The following NREP variants were observed in gnomAD, a reference collection of about 807,000 sequenced individuals.
NREP encodes the protein neuronal regeneration related protein.
Under a neutral mutation model 8.6 loss-of-function variants are expected in NREP, and 5 were observed. That is an observed-to-expected ratio of 0.58 (90% CI 0.30 to 1.22). The LOEUF is 1.22. NREP is among the 50% of genes most tolerant of loss of function. NREP has a pLI of 0.07. For missense variants in NREP, 86 were observed against 82.5 expected (o/e 1.04, Z -0.17); for synonymous variants, 27 against 28.0 (o/e 0.96, Z 0.11).
chr5:111,776,990 T>TGAGGAG (rs58158043), intron 2 of NREP, among the ~76,000 whole-genome samples: 10 of 132,628 alleles, frequency 7.5e-5, no homozygotes, highest in East Asian at 2.3e-4. Flanking sequence ...AGAAAAAGGA[T>TGAGGAG]GAGGAGGAGG....
chr5:111,790,347 CTTTTTTTTTTTTTTTTTTT>C (rs57775701), intron 2 of NREP, among the ~76,000 whole-genome samples: 76 of 59,650 alleles, frequency 1.3e-3, no homozygotes, highest in African/African-American at 4.0e-3. Context: ...AAAACCTTAA[CTTTTTTTTTTTTTTTTTTT>C]TTTTTTTTTT....
intron 2 of NREP, among the ~76,000 whole-genome samples, chr5:111,822,430 C>G (rs1315952147): frequency 3.3e-5 from 5 of 152,158 alleles, no homozygotes; most frequent in African/African-American, 7.2e-5. Flanking sequence ...TTAGAGCTTT[C>G]AAAAGAGGAG....
At chr5:111,753,131 T>C (rs985259844) in intron 2 of NREP, among the ~76,000 whole-genome samples, 3 of 151,678 alleles carry the variant, frequency 2.0e-5, no homozygotes, top group Non-Finnish European at 4.4e-5. Context: ...GAATGACTTA[T>C]TGAAAAAAAT....
intron 2 of NREP, among the ~76,000 whole-genome samples, chr5:111,970,377 C>T (rs1037485752): frequency 6.6e-6 from 1 of 152,132 alleles, no homozygotes; most frequent in Non-Finnish European, 1.5e-5. Context: ...ATTTGGTCAA[C>T]GTTCCTACAG....
chr5:111,872,584 T>C (rs890794784), intron 2 of NREP, among the ~76,000 whole-genome samples: 1 of 152,128 alleles, frequency 6.6e-6, no homozygotes, highest in African/African-American at 2.4e-5. Flanking sequence ...GTGCCAGCTG[T>C]AAGGCTAGGA....
intron 2 of NREP, among the ~76,000 whole-genome samples, chr5:111,926,463 T>C (rs1386429761): frequency 1.3e-5 from 2 of 152,150 alleles, no homozygotes; most frequent in Non-Finnish European, 2.9e-5. Context: ...AGAAAGCCTG[T>C]ACATAGGGAC....
At chr5:111,772,569 G>C (rs1011293603) in intron 2 of NREP, among the ~76,000 whole-genome samples, 1 of 151,992 alleles carries the variant, frequency 6.6e-6, no homozygotes, top group Non-Finnish European at 1.5e-5. Context: ...AGCATCATCA[G>C]CCTGGCTCTA....
At chr5:111,738,459 C>T (rs749072188) in intron 2 of NREP, 4 of 152,166 alleles carry the variant, frequency 2.6e-5, no homozygotes, top group Non-Finnish European at 5.9e-5. Context: ...TTCTTCTCAT[C>T]GGAACATGTT....
chr5:111,785,776 GA>G (rs1751595143), intron 2 of NREP, among the ~76,000 whole-genome samples: 2 of 152,118 alleles, frequency 1.3e-5, no homozygotes, highest in Admixed American at 1.3e-4. Context: ...CCATAGCAGT[GA>G]ATAAAAATGG....
At chr5:111,950,291 T>C (rs911260016) in intron 2 of NREP, among the ~76,000 whole-genome samples, 1 of 152,200 alleles carries the variant, frequency 6.6e-6, no homozygotes, top group African/African-American at 2.4e-5. Context: ...AAACAAGCAA[T>C]GGGGAAAGGA....
chr5:111,963,030 C>G (rs777787763), intron 2 of NREP, among the ~76,000 whole-genome samples: 5 of 152,286 alleles, frequency 3.3e-5, no homozygotes, highest in Non-Finnish European at 7.3e-5. Context: ...GGCTGTCACA[C>G]TGGCCATTTG....
chr5:111,757,791 C>T, upstream of NREP: 1 of 974,178 alleles, frequency 1.0e-6, no homozygotes, highest in Non-Finnish European at 1.2e-6. Flanking sequence ...CCAGCCTCTC[C>T]GCCTCGACGT....
At chr5:111,876,573 T>C (rs1235294264) in intron 2 of NREP, among the ~76,000 whole-genome samples, 2 of 152,170 alleles carry the variant, frequency 1.3e-5, no homozygotes, top group Non-Finnish European at 2.9e-5. Context: ...TGTACTGCAC[T>C]CTTCAACTTC....
intron 2 of NREP, among the ~76,000 whole-genome samples, chr5:111,913,050 T>A (rs963591729): frequency 1.3e-5 from 2 of 152,156 alleles, no homozygotes. Context: ...AGACACCTAC[T>A]GTACAGCAGC....
chr5:111,820,778 T>C (rs938563570), intron 2 of NREP, among the ~76,000 whole-genome samples: 1 of 152,154 alleles, frequency 6.6e-6, no homozygotes, highest in African/African-American at 2.4e-5. Context: ...AGATAAGATA[T>C]AAAGAATTTT....
intron 2 of NREP, among the ~76,000 whole-genome samples, chr5:111,767,302 A>T (rs1350776452): frequency 6.6e-6 from 1 of 152,172 alleles, no homozygotes; most frequent in Admixed American, 6.6e-5. Flanking sequence ...CCGCCAAAAA[A>T]AAAATCTTAT....
chr5:111,748,051 T>G (rs1187272790), intron 2 of NREP, among the ~76,000 whole-genome samples: 4 of 152,168 alleles, frequency 2.6e-5, no homozygotes, highest in Non-Finnish European at 4.4e-5. Context: ...CCCTCACGCA[T>G]AGTGGCGCCC....
chr5:111,872,878 A>G (rs578116089), intron 2 of NREP, among the ~76,000 whole-genome samples: 94 of 152,200 alleles, frequency 6.2e-4, no homozygotes, highest in Non-Finnish European at 1.2e-3. Flanking sequence ...AGCTACCAAA[A>G]GAACATAAGA....
intron 2 of NREP, among the ~76,000 whole-genome samples, chr5:111,782,413 A>G (rs1197057047): frequency 6.6e-6 from 1 of 152,248 alleles, no homozygotes; most frequent in Non-Finnish European, 1.5e-5. Flanking sequence ...GTGTTGGAGT[A>G]TAAATGGCAA....
Sources: gnomAD v4.1 joint callset for allele counts (sites outside exome capture counted in the v4.1 genomes callset) on GRCh38, gnomAD v4.1.1 for gene constraint, MANE v1.5 for transcripts, NCBI Gene and HGNC (gene_info 2026-07-23, HGNC 2026-07-21) for gene names.